LYST: variants seen among roughly 807,000 people sequenced by gnomAD.
The protein encoded by LYST is lysosomal-trafficking regulator.
In LYST, 192 loss-of-function variants were observed where a neutral mutation model predicts 413.6. That is an observed-to-expected ratio of 0.46 (90% CI 0.41 to 0.52). LYST has a LOEUF of 0.52. Ranked by LOEUF, LYST falls within the 20% of genes least tolerant of loss-of-function variation. The pLI is 0.00. For missense variants in LYST, 3,815 were observed against 4,499.9 expected, an observed-to-expected ratio of 0.85 and a Z score of 4.35; for synonymous variants, 1,525 against 1,567.3, an observed-to-expected ratio of 0.97 and a Z score of 0.64.
intron 37 of LYST, among the ~76,000 whole-genome samples, chr1:235,729,106 T>C (rs1572087747): frequency 6.6e-6 from 1 of 152,350 alleles, no homozygotes; most frequent in African/African-American, 2.4e-5. Context: ...TATAATTGTT[T>C]TCCTTCATAT....
intron 44 of LYST, among the ~76,000 whole-genome samples, chr1:235,705,383 C>T (rs1661894394): frequency 6.6e-6 from 1 of 151,712 alleles, no homozygotes; most frequent in African/African-American, 2.4e-5. Flanking sequence ...TCTTCAGATA[C>T]TTTTTTTTAA....
At chr1:235,712,265 T>C in intron 42 of LYST, 68 bp from the exon 43 acceptor site, 1 of 1,178,242 alleles carries the variant, frequency 8.5e-7, no homozygotes. Context: ...CTATCATAAT[T>C]AATTTACTTT....
chr1:235,866,406 A>T (rs1680524186), intron 1 of LYST, among the ~76,000 whole-genome samples: 3 of 152,216 alleles, frequency 2.0e-5, no homozygotes, highest in Admixed American at 1.3e-4. Context: ...GTCAACTCCC[A>T]TCGTCAACCT....
At chr1:235,867,715 C>T (rs1282553832), upstream of LYST, among the ~76,000 whole-genome samples, 1 of 152,200 alleles carries the variant, frequency 6.6e-6, no homozygotes, top group African/African-American at 2.4e-5. Flanking sequence ...GGCAGTTTGG[C>T]ATTTCAAGGG....
intron 10 of LYST, 141 bp from the exon 11 acceptor site, chr1:235,793,753 G>C (rs939112980): frequency 2.0e-6 from 1 of 488,848 alleles, no homozygotes; most frequent in African/African-American, 2.0e-5. Context: ...CACAAAATTT[G>C]CTGAAGAAAT....
chr1:235,787,376 A>G lies in LYST; in HGVS notation c.4689-3T>C, dbSNP rs1348236156. 2 of 1,613,046 alleles carry G rather than the reference A, an allele frequency of 1.2e-6. No homozygotes were observed. The highest frequency in any genetic ancestry group is 2.7e-5 in the African/African-American group (2 of 74,898). On this transcript the variant is annotated splice_polypyrimidine_tract_variant and splice_region_variant and intron_variant, in intron 13 of 52. Transcript: ENST00000389793. ...CATCATTTGAATCCATGCACACACT[A>G]CAGAAAAAGAGAAAAGGCATAGGCT... is the stretch of plus-strand genomic sequence containing the variant.
rs570256868 is a variant in LYST at position 235,664,369 on chromosome 1, C to T, written c.11195+96G>A. The T allele has an allele frequency of 2.7e-5, 31 of 1,154,762 alleles. No homozygotes were observed. In the East Asian group the frequency reaches 7.4e-4, roughly 28 times the overall value. 71.5% of individuals were successfully genotyped at this position (1,154,762 alleles called of 1,614,324 possible). ...CAAGGTGAGTTTAAATCTCTAAATA[C>T]TGAATATTAATATGCCTAGATATTA... On this transcript the variant is annotated intron_variant, in intron 51 of 52. Transcript: ENST00000389793. This position sits in a 1 kb window ranked among gnomAD's most constrained non-coding sequence, Gnocchi z 4.5.
At chr1:235,694,403 A>C (rs954074694) in intron 46 of LYST, among the ~76,000 whole-genome samples, 6 of 152,082 alleles carry the variant, frequency 3.9e-5, no homozygotes, top group African/African-American at 1.4e-4. Flanking sequence ...TTAATTATCT[A>C]TGCTTTGTTG....
chr1:235,800,845 C>G, intron 9 of LYST, 26 bp downstream of exon 9: 2 of 1,448,604 alleles, frequency 1.4e-6, no homozygotes, highest in Non-Finnish European at 1.9e-6. Flanking sequence ...AAATATTGAT[C>G]ACATTTAACT....
chr1:235,744,990 A>ATTACTGTTT (rs1665777361), intron 29 of LYST, among the ~76,000 whole-genome samples: 1 of 152,094 alleles, frequency 6.6e-6, no homozygotes, highest in African/African-American at 2.4e-5. Context: ...GTCATTAACA[A>ATTACTGTTT]TTACTGTTTT....
Position 235,830,268 on chromosome 1 carries a change from T to A in LYST, c.150A>T (p.Arg50=). ...ATLGQYLVHG[R]GFLLLTKLNS... The stretch of plus-strand genomic sequence containing the variant: ...TTAGCTTGGTAAGTAATAGAAATCC[T>A]CGACCATGGACAAGGTACTGTCCAA... Residue 50 remains arginine (R), a synonymous_variant, in exon 3 of 53, where the codon CGA becomes CGT. Coordinates refer to ENST00000389793, the MANE Select transcript of LYST (RefSeq NM_000081.4). The A allele has an allele frequency of 3.1e-6, 5 of 1,614,002 alleles. No individual in the cohort carries two copies. Among genetic ancestry groups the A allele is most frequent in the Non-Finnish European group, 4.2e-6 (5 of 1,179,928 alleles).
chr1:235,667,921 C>A (rs1306593548), intron 50 of LYST, among the ~76,000 whole-genome samples: 1 of 152,044 alleles, frequency 6.6e-6, no homozygotes, highest in African/African-American at 2.4e-5. Flanking sequence ...CTCGGCCTCC[C>A]AAAGTGCAGG....
chr1:235,825,062 G>T (rs1256594994), intron 3 of LYST, among the ~76,000 whole-genome samples: 8 of 151,780 alleles, frequency 5.3e-5, no homozygotes, highest in African/African-American at 1.9e-4. Context: ...CAACAAAAAC[G>T]ATCAAGATAA....
chr1:235,825,152 AC>A (rs1675192851), intron 3 of LYST, among the ~76,000 whole-genome samples: 1 of 152,256 alleles, frequency 6.6e-6, no homozygotes, highest in Non-Finnish European at 1.5e-5. Flanking sequence ...ACAAAATTCA[AC>A]ATCCCTTCAG....
Position 235,744,945 on chromosome 1 carries a change from AAAT to A in LYST, c.7973-791_7973-789del, listed in dbSNP as rs1190618197. Among the ~76,000 whole-genome samples the A allele has an allele frequency of 3.3e-4, 50 of 151,960 alleles. 1 individual carries two copies. The highest frequency in any genetic ancestry group is 1.2e-3 in the African/African-American group (50 of 41,388). ...GAAAGAAAAGTAAAAAAAGCTAAAA[AAAT>A]AATAATAACTTGAGTTTATCATGTT... On this transcript the variant is annotated intron_variant, in intron 29 of 52. Coordinates refer to ENST00000389793, the MANE Select transcript of LYST (RefSeq NM_000081.4).
In LYST at chr1:235,801,084, C is replaced by T; in HGVS notation, c.3726G>A (p.Lys1242=). ...GETQDDGVDL[K]SETEGFSASS... ...ATGCACTGAAACCTTCTGTTTCAGA[C>T]TTTAAGTCTACCCCTGAAAAGAGAA... The change falls in exon 9 of 53, where the codon AAG becomes AAA. Residue 1242 remains lysine (K), a synonymous_variant. Coordinates refer to ENST00000389793, the MANE Select transcript of LYST (RefSeq NM_000081.4). 3 of 1,601,272 alleles carry T rather than the reference C, an allele frequency of 1.9e-6. No homozygotes were observed. Among genetic ancestry groups the T allele is most frequent in the South Asian group, 2.2e-5 (2 of 90,808 alleles).
intron 1 of LYST, among the ~76,000 whole-genome samples, chr1:235,874,999 C>T (rs1288011695): frequency 6.6e-6 from 1 of 152,238 alleles, no homozygotes; most frequent in Non-Finnish European, 1.5e-5. Flanking sequence ...TGCAGAATCT[C>T]AGGCCATGCC....
Position 235,770,290 on chromosome 1 carries a change from A to G in LYST, c.5792T>C (p.Val1931Ala), listed in dbSNP as rs963812364. The G allele has an allele frequency of 6.2e-7, 1 of 1,613,662 alleles. No homozygotes were observed. Among genetic ancestry groups the G allele is most frequent in the African/African-American group, 1.3e-5 (1 of 74,918 alleles). The change falls in exon 20 of 53, where the codon GTT becomes GCT. Residue 1931 changes from valine (V) to alanine (A), a missense_variant. Around this residue, in one of 4 missense-constraint regions of LYST, gnomAD observed 530 missense variants for 696.5 expected, o/e 0.76. Coordinates refer to ENST00000389793, the MANE Select transcript of LYST (RefSeq NM_000081.4). The stretch of plus-strand genomic sequence containing the variant: ...TAGAGCTGCTAGCAAAGTTTCCCAA[A>G]CACCTTGCTGAAGAGATAAACACAC... ...WKIWSKAEQG[V>A]WETLLAALEV...
At chr1:235,670,940 GATA>G (rs1238130695) in intron 50 of LYST, among the ~76,000 whole-genome samples, 1 of 152,162 alleles carries the variant, frequency 6.6e-6, no homozygotes, top group Admixed American at 6.6e-5. Context: ...GAGCAAAGCA[GATA>G]ATATGATTCC....
Sources: gnomAD v4.1 joint callset for allele counts (sites outside exome capture counted in the v4.1 genomes callset) on GRCh38, gnomAD v4.1.1 for gene constraint, gnomAD v4.1.1 regional missense constraint, Gnocchi (gnomAD v3.1) non-coding constraint, MANE v1.5 for transcripts, NCBI Gene and HGNC (gene_info 2026-07-23, HGNC 2026-07-21) for gene names.